The following NPAS3 variants were observed in gnomAD, a reference collection of about 807,000 sequenced individuals.
The protein encoded by NPAS3 is neuronal PAS domain-containing protein 3.
A neutral mutation model predicts 73.1 loss-of-function variants in NPAS3; 14 were observed. The observed-to-expected ratio is 0.19, with a 90% confidence interval of 0.13 to 0.30. The LOEUF is 0.30. Among genes scored for constraint, NPAS3 ranks in the 10% least tolerant of loss-of-function variants. NPAS3 has a pLI of 1.00. For synonymous variants in NPAS3, 620 were observed against 541.5 expected (o/e 1.14, Z -2.01); for missense variants, 1,096 against 1,250.0 (o/e 0.88, Z 1.86).
chr14:33,121,289 A>C lies in NPAS3; in HGVS notation c.140+65295A>C, dbSNP rs184784760. On this transcript the variant is annotated intron_variant, in intron 2 of 11. Transcript: ENST00000356141. ...GACTTTTATTCATACTTGACGAACC[A>C]GTTCCTACGTCTTTGAGATAAAACA... 1.3e-3 allele frequency among the ~76,000 whole-genome samples: 198 copies of C among 152,282 alleles called. 1 individual carries two copies. Among genetic ancestry groups the C allele is most frequent in the Admixed American group, 1.6e-3 (25 of 15,288 alleles).
chr14:33,553,013 C>G (rs114768259), intron 4 of NPAS3, among the ~76,000 whole-genome samples: 96 of 152,310 alleles, frequency 6.3e-4, no homozygotes, highest in African/African-American at 2.2e-3. Flanking sequence ...GCAAAAGGAG[C>G]CTGTGCTCAC....
chr14:33,326,849 G>T (rs2043732256), intron 3 of NPAS3, among the ~76,000 whole-genome samples: 1 of 152,182 alleles, frequency 6.6e-6, no homozygotes, highest in Non-Finnish European at 1.5e-5. Flanking sequence ...GTCGGTAGCA[G>T]GTATACATGA....
chr14:33,766,589 C>G (rs1187474191), intron 7 of NPAS3, among the ~76,000 whole-genome samples: 1 of 152,132 alleles, frequency 6.6e-6, no homozygotes, highest in Non-Finnish European at 1.5e-5. Flanking sequence ...CACCTGAAAC[C>G]CTGACAACCT....
chr14:33,761,244 C>T (rs1190632108), intron 7 of NPAS3, among the ~76,000 whole-genome samples: 1 of 151,696 alleles, frequency 6.6e-6, no homozygotes, highest in East Asian at 1.9e-4. Flanking sequence ...TTGAAAGTCA[C>T]CACTTAAGCA....
chr14:33,585,078 G>C (rs968222368), intron 5 of NPAS3, among the ~76,000 whole-genome samples: 23 of 147,734 alleles, frequency 1.6e-4, no homozygotes, highest in Non-Finnish European at 5.9e-5. Context: ...CTTTTTTTTC[G>C]CTTGGCTAAT....
intron 4 of NPAS3, 49 bp from the exon 5 acceptor site, chr14:33,560,072 A>G: frequency 1.4e-6 from 1 of 740,154 alleles, no homozygotes; most frequent in Non-Finnish European, 2.3e-6. Context: ...TTAAATCTGC[A>G]TCCTTTGTAT....
intron 9 of NPAS3, chr14:33,780,723 T>C: frequency 4.7e-6 from 2 of 426,430 alleles, no homozygotes; most frequent in Non-Finnish European, 9.2e-6. Flanking sequence ...TTTGATGCCT[T>C]TCTTTCCGAT....
chr14:33,268,015 A>G (rs987342674), intron 3 of NPAS3, among the ~76,000 whole-genome samples: 5 of 152,192 alleles, frequency 3.3e-5, no homozygotes, highest in Non-Finnish European at 7.3e-5. Context: ...AATTAAAAAC[A>G]TAATTACTAT....
intron 1 of NPAS3, among the ~76,000 whole-genome samples, chr14:33,020,105 A>T (rs1318581359): frequency 6.6e-6 from 1 of 152,220 alleles, no homozygotes; most frequent in Non-Finnish European, 1.5e-5. Flanking sequence ...GATGATTGGC[A>T]ATTGGAATTT....
intron 1 of NPAS3, among the ~76,000 whole-genome samples, chr14:32,999,293 C>T (rs985002395): frequency 2.0e-4 from 30 of 152,200 alleles, no homozygotes; most frequent in African/African-American, 6.5e-4. Context: ...GGGCAGATCA[C>T]AAGGTCAGGA....
At chr14:33,543,999 A>C (rs865858286) in intron 4 of NPAS3, among the ~76,000 whole-genome samples, 976 of 63,972 alleles carry the variant, frequency 0.015, 4 homozygotes, top group South Asian at 0.059. Context: ...ATATATATAT[A>C]TATCTATATC....
At chr14:33,566,469 C>G (rs1397873410) in intron 5 of NPAS3, among the ~76,000 whole-genome samples, 1 of 152,084 alleles carries the variant, frequency 6.6e-6, no homozygotes, top group Non-Finnish European at 1.5e-5. Flanking sequence ...CCCACCCTTC[C>G]AAATAGGCAA....
chr14:33,565,826 A>G (rs1195657615), intron 5 of NPAS3, among the ~76,000 whole-genome samples: 1 of 152,192 alleles, frequency 6.6e-6, no homozygotes, highest in Non-Finnish European at 1.5e-5. Context: ...TTCTTTTAAT[A>G]AATGAATGCA....
intron 7 of NPAS3, among the ~76,000 whole-genome samples, chr14:33,770,231 A>G (rs1024078634): frequency 1.3e-5 from 2 of 152,174 alleles, no homozygotes; most frequent in African/African-American, 2.4e-5. Flanking sequence ...CTGCAAACCC[A>G]TTTGCCAGAT....
chr14:33,571,376 A>G (rs7143076), intron 5 of NPAS3, among the ~76,000 whole-genome samples: 19,050 of 152,088 alleles, frequency 0.13, 1,315 homozygotes, highest in East Asian at 0.24. Flanking sequence ...GTAGGGCTCG[A>G]GGAGGGGAGC....
At chr14:33,020,512 C>T (rs61982383) in intron 1 of NPAS3, among the ~76,000 whole-genome samples, 20,178 of 152,128 alleles carry the variant, frequency 0.13, 1,636 homozygotes, top group Non-Finnish European at 0.18. Context: ...TTTAAGCACT[C>T]GATAAATGGT....
At chr14:33,363,031 G>A (rs1041068634) in intron 3 of NPAS3, among the ~76,000 whole-genome samples, 4 of 152,102 alleles carry the variant, frequency 2.6e-5, no homozygotes, top group South Asian at 2.1e-4. Flanking sequence ...CAGGGCACAA[G>A]GCAAGTAGGG....
intron 5 of NPAS3, among the ~76,000 whole-genome samples, chr14:33,655,331 C>G (rs1184262380): frequency 2.8e-5 from 3 of 105,886 alleles, no homozygotes; most frequent in African/African-American, 1.1e-4. Flanking sequence ...ACCTTTGGCT[C>G]TTTTTTTTTT....
rs546475609 is a variant in NPAS3 at position 33,571,424 on chromosome 14, G to A, written c.558+11214G>A. On this transcript the variant is annotated intron_variant, in intron 5 of 11. Transcript: ENST00000356141. ...GCTATTTTATTTTTACCCTTCAAAG[G>A]AATTTAGTTGAGCAGATGCTACCCT... Among the ~76,000 whole-genome samples, 79 of 152,254 alleles carry A rather than the reference G, an allele frequency of 5.2e-4. No individual in the cohort carries two copies. The Middle Eastern group carries it at 0.014, about 26-fold the overall frequency.
Sources: allele counts gnomAD v4.1 joint callset (sites outside exome capture counted in the v4.1 genomes callset), GRCh38; gene constraint gnomAD v4.1.1; transcripts MANE v1.5; gene names NCBI Gene and HGNC (gene_info 2026-07-23, HGNC 2026-07-21).